The following STT3B variants were observed in gnomAD, a reference collection of about 807,000 sequenced individuals.
STT3B encodes STT3 oligosaccharyltransferase complex catalytic subunit B.
A neutral mutation model predicts 96.8 loss-of-function variants in STT3B; 29 were observed. The observed-to-expected ratio is 0.30, with a 90% CI of 0.22 to 0.41. The LOEUF (loss-of-function observed/expected upper bound fraction) is 0.41. Among genes scored for constraint, STT3B ranks in the 10% least tolerant of loss-of-function variants. STT3B has a pLI of 1.00. For synonymous variants in STT3B, 367 were observed against 360.0 expected, an observed-to-expected ratio of 1.02 and a Z score of -0.22; for missense variants, 640 against 1,022.3, an observed-to-expected ratio of 0.63 and a Z score of 5.10.
At chr3:31,623,294 G>A (rs1423684598) in intron 10 of STT3B, among the ~76,000 whole-genome samples, 1 of 152,128 alleles carries the variant, frequency 6.6e-6, no homozygotes, top group Non-Finnish European at 1.5e-5. Context: ...TTATAGCTGA[G>A]CATTGCCATT....
At chr3:31,584,447 C>T (rs1170759820) in intron 3 of STT3B, among the ~76,000 whole-genome samples, 1 of 152,026 alleles carries the variant, frequency 6.6e-6, no homozygotes. Flanking sequence ...TTAGCTTGTT[C>T]ATTACATCTT....
Position 31,601,062 on chromosome 3 carries a change from A to T in STT3B, c.877+603A>T, listed in dbSNP as rs142261842. ...TGTCTTAGTAAAATAATACAATTCT[A>T]TTATAATAATGTTTTTGGAAAACAA... On this transcript the variant is annotated intron_variant, in intron 5 of 15. Coordinates refer to ENST00000295770, the MANE Select transcript of STT3B (RefSeq NM_178862.3). Among the ~76,000 whole-genome samples the T allele has an allele frequency of 8.5e-5, 13 of 152,246 alleles. No individual in the cohort carries two copies. In the East Asian group the frequency reaches 2.5e-3, roughly 29 times the overall value.
intron 1 of STT3B, among the ~76,000 whole-genome samples, chr3:31,574,637 C>T (rs1053164107): frequency 1.3e-5 from 2 of 152,078 alleles, no homozygotes; most frequent in Non-Finnish European, 2.9e-5. Context: ...CTAGCATTAG[C>T]TTAGCTTTCC....
At chr3:31,573,702 C>G (rs548164874) in intron 1 of STT3B, among the ~76,000 whole-genome samples, 1 of 152,182 alleles carries the variant, frequency 6.6e-6, no homozygotes, top group Non-Finnish European at 1.5e-5. Context: ...TCAAGAAAAA[C>G]ATTCCACATG....
rs565902888 is a variant in STT3B, at chr3:31,533,390, C to G, written c.314+78C>G. The G allele has an allele frequency of 8.7e-5, 119 of 1,362,510 alleles. 2 individuals carry two copies. The South Asian group carries it at 1.7e-3, about 20-fold the overall frequency. The allele number at this position is 1,362,510 out of a possible 1,614,324, so 84.4% of individuals were successfully genotyped here. A position where few individuals can be genotyped will look rare whatever the true frequency, so the allele number is the denominator to read the frequency against. ...CGCTCCTCCGCCCGCCGCAGCTCTCCTCGACTTGGCCCCGCGCCGCCGCGG... is the reference window on the plus strand; with the variant it reads ...CGCTCCTCCGCCCGCCGCAGCTCTCGTCGACTTGGCCCCGCGCCGCCGCGG... On this transcript the variant is annotated intron_variant, in intron 1 of 15. Transcript: ENST00000295770.
intron 3 of STT3B, among the ~76,000 whole-genome samples, chr3:31,580,626 T>A (rs1254758175): frequency 2.0e-5 from 3 of 152,288 alleles, no homozygotes; most frequent in Non-Finnish European, 4.4e-5. Flanking sequence ...TGTGTCAATA[T>A]GTTTTTGTAT....
At chr3:31,548,807 A>G (rs1286216084) in intron 1 of STT3B, among the ~76,000 whole-genome samples, 3 of 152,220 alleles carry the variant, frequency 2.0e-5, no homozygotes, top group African/African-American at 7.2e-5. Context: ...GAGCACAAAG[A>G]AATTATTATT....
chr3:31,558,972 G>A (rs1697790993), intron 1 of STT3B, among the ~76,000 whole-genome samples: 1 of 151,058 alleles, frequency 6.6e-6, no homozygotes, highest in Non-Finnish European at 1.5e-5. Context: ...AGTAGTCTCT[G>A]ATGATCTTTT....
At chr3:31,536,693 T>A (rs187242098) in intron 1 of STT3B, among the ~76,000 whole-genome samples, 1 of 152,336 alleles carries the variant, frequency 6.6e-6, no homozygotes, top group East Asian at 1.9e-4. Context: ...TTTTTTAACA[T>A]TTAGCAACAT....
chr3:31,570,923 A>T (rs1319384800), intron 1 of STT3B, among the ~76,000 whole-genome samples: 1 of 152,072 alleles, frequency 6.6e-6, no homozygotes, highest in African/African-American at 2.4e-5. Flanking sequence ...AAGGAATTTG[A>T]TCATATTGAG....
In STT3B at chr3:31,556,521, G is replaced by A. The variant is rs1294201773; in HGVS notation, c.315-19875G>A. ...ATATAATTTATGTTCCCAAAGCAAT[G>A]TATAAGAGTTCTGTTTTCTCTGCAC... On this transcript the variant is annotated intron_variant, in intron 1 of 15. Transcript: ENST00000295770. 3.3e-5 allele frequency among the ~76,000 whole-genome samples: 5 copies of A among 152,284 alleles called. No individual in the cohort carries two copies. The East Asian group carries it at 9.6e-4, about 29-fold the overall frequency.
At chr3:31,628,312 A>G (rs189348641) in intron 13 of STT3B, among the ~76,000 whole-genome samples, 1 of 152,232 alleles carries the variant, frequency 6.6e-6, no homozygotes, top group East Asian at 1.9e-4. Flanking sequence ...TGTTCACTTC[A>G]TAATATGTCT....
chr3:31,561,861 T>G (rs1177985829), intron 1 of STT3B, among the ~76,000 whole-genome samples: 1 of 152,174 alleles, frequency 6.6e-6, no homozygotes, highest in African/African-American at 2.4e-5. Flanking sequence ...TGTGTGTGTG[T>G]GGTAGTGTGT....
intron 4 of STT3B, 76 bp from the exon 5 acceptor site, chr3:31,600,284 G>C: frequency 1.7e-6 from 1 of 582,180 alleles, no homozygotes; most frequent in Non-Finnish European, 2.9e-6. Flanking sequence ...TTTGCTCATT[G>C]TATGTTTAGA....
At position 31,618,964 on chromosome 3, in the gene STT3B, ATAAAG is replaced by A. The variant is rs928422398; in HGVS notation, c.1173-709_1173-705del. Among the ~76,000 whole-genome samples, 35 of 152,184 alleles carry A rather than the reference ATAAAG, an allele frequency of 2.3e-4. 1 individual carries two copies. The South Asian group carries it at 6.2e-3, about 27-fold the overall frequency. ...ATAATATAACTTGTGCAGTTATATT[ATAAAG>A]TAGTCAATTAATTGACTACTTTAGA... On this transcript the variant is annotated intron_variant, in intron 8 of 15. Coordinates refer to ENST00000295770, the MANE Select transcript of STT3B (RefSeq NM_178862.3).
intron 10 of STT3B, among the ~76,000 whole-genome samples, chr3:31,622,608 T>C (rs747479972): frequency 6.6e-6 from 1 of 152,200 alleles, no homozygotes; most frequent in Non-Finnish European, 1.5e-5. Context: ...AAAAACTTTA[T>C]GCTGTACTAA....
chr3:31,636,417 T>G lies in STT3B; in HGVS notation c.*353T>G. 1 of 171,166 alleles carries G rather than the reference T, an allele frequency of 5.8e-6. No individual in the cohort carries two copies. The highest frequency in any genetic ancestry group is 1.2e-5 in the Non-Finnish European group (1 of 80,944). The allele number at this position is 171,166 out of a possible 1,614,324, so 10.6% of individuals were successfully genotyped here. ...CATACTTGTCAATGTTTTTATTCTTTTACAAGACCTGCATTTTATTTGAAT... is the reference window on the plus strand; with the variant it reads ...CATACTTGTCAATGTTTTTATTCTTGTACAAGACCTGCATTTTATTTGAAT... On this transcript the variant is annotated 3_prime_UTR_variant, in exon 16 of 16. Coordinates refer to ENST00000295770, the MANE Select transcript of STT3B (RefSeq NM_178862.3).
intron 2 of STT3B, 94 bp from the exon 3 acceptor site, chr3:31,579,710 TATGTA>T (rs1269454361): frequency 2.1e-5 from 20 of 966,456 alleles, no homozygotes; most frequent in African/African-American, 3.7e-5. Flanking sequence ...CTTTCAAACT[TATGTA>T]AGGTAAACAA....
chr3:31,604,219 A>G (rs903677497), intron 5 of STT3B, among the ~76,000 whole-genome samples: 14 of 152,150 alleles, frequency 9.2e-5, no homozygotes, highest in African/African-American at 3.4e-4. Flanking sequence ...AACCGTCATT[A>G]AAGTTTTTTG....
Sources: gnomAD v4.1 joint callset for allele counts (sites outside exome capture counted in the v4.1 genomes callset) on GRCh38, gnomAD v4.1.1 for gene constraint, MANE v1.5 for transcripts, NCBI Gene and HGNC (gene_info 2026-07-23, HGNC 2026-07-21) for gene names.